NRG1: variants seen among roughly 807,000 people sequenced by gnomAD.
The protein encoded by NRG1 is neuregulin 1, also known as pro-neuregulin-1, membrane-bound isoform.
A neutral mutation model predicts 63.8 loss-of-function variants in NRG1; 18 were observed. The ratio of observed to expected loss-of-function variants is 0.28; its 90% confidence interval spans 0.19 to 0.42. NRG1 has a LOEUF of 0.42. NRG1 is among the 10% of genes least tolerant of loss of function. NRG1 has a pLI of 1.00. For missense variants in NRG1, 762 were observed against 814.7 expected, an observed-to-expected ratio of 0.94 and a Z score of 0.79; for synonymous variants, 302 against 301.3, an observed-to-expected ratio of 1.00 and a Z score of -0.02.
chr8:32,502,208 G>A (rs190738486), intron 1 of NRG1, among the ~76,000 whole-genome samples: 4 of 152,004 alleles, frequency 2.6e-5, no homozygotes, highest in Admixed American at 6.5e-5. Context: ...TGGAGTAGGC[G>A]TCTTACATGG....
chr8:32,083,695 T>G (rs16878772), intron 1 of NRG1, among the ~76,000 whole-genome samples: 13,717 of 114,732 alleles, frequency 0.12, 1,719 homozygotes, highest in African/African-American at 0.33. Context: ...AATTTTACAT[T>G]AGATAACAGG....
At chr8:32,715,462 G>A (rs1028551837) in intron 5 of NRG1, among the ~76,000 whole-genome samples, 1 of 152,018 alleles carries the variant, frequency 6.6e-6, no homozygotes, top group Non-Finnish European at 1.5e-5. Flanking sequence ...AGACAGAAAA[G>A]GTCTCCCACT....
chr8:32,018,233 A>G (rs573041381), intron 1 of NRG1, among the ~76,000 whole-genome samples: 90 of 152,278 alleles, frequency 5.9e-4, no homozygotes, highest in Non-Finnish European at 1.1e-3. Flanking sequence ...TCCTTCCTAT[A>G]CTTCTGTCTA....
chr8:31,902,676 A>C (rs1832183363), intron 1 of NRG1, among the ~76,000 whole-genome samples: 1 of 152,200 alleles, frequency 6.6e-6, no homozygotes, highest in Admixed American at 6.5e-5. Context: ...CAAGTGGCAT[A>C]ATTATTTGTG....
intron 1 of NRG1, among the ~76,000 whole-genome samples, chr8:32,302,021 ACC>A (rs2129475216): frequency 6.6e-6 from 1 of 152,292 alleles, no homozygotes; most frequent in South Asian, 2.1e-4. Flanking sequence ...GTCTGGTTTT[ACC>A]CATTGTCTGA....
intron 5 of NRG1, among the ~76,000 whole-genome samples, chr8:32,727,205 G>A (rs968044967): frequency 6.6e-6 from 1 of 152,134 alleles, no homozygotes; most frequent in Non-Finnish European, 1.5e-5. Context: ...TGAAGGTGTT[G>A]CAAACCAAAC....
chr8:32,495,617 C>T (rs780589709), intron 1 of NRG1, among the ~76,000 whole-genome samples: 1 of 152,088 alleles, frequency 6.6e-6, no homozygotes, highest in Non-Finnish European at 1.5e-5. Flanking sequence ...CGCTCGCCAC[C>T]ACGCCCAGCT....
chr8:32,363,542 C>T (rs1424249445), intron 1 of NRG1, among the ~76,000 whole-genome samples: 5 of 152,064 alleles, frequency 3.3e-5, no homozygotes, highest in Non-Finnish European at 2.9e-5. Context: ...AACTCACCCT[C>T]AGTGTTAACT....
At chr8:32,503,559 GCCTTAAA>G (rs1408830283) in intron 1 of NRG1, among the ~76,000 whole-genome samples, 1 of 152,076 alleles carries the variant, frequency 6.6e-6, no homozygotes, top group East Asian at 1.9e-4. Context: ...AAGTTTAATA[GCCTTAAA>G]CCTCAGTAGT....
At chr8:31,827,592 A>G (rs554213703) in intron 1 of NRG1, among the ~76,000 whole-genome samples, 1 of 152,364 alleles carries the variant, frequency 6.6e-6, no homozygotes, top group South Asian at 2.1e-4. Context: ...ATAAATATCA[A>G]GAATCTATTT....
intron 3 of NRG1, among the ~76,000 whole-genome samples, chr8:32,609,553 T>TC (rs1393422452): frequency 3.9e-4 from 2 of 5,148 alleles, no homozygotes; most frequent in African/African-American, 7.1e-4. Flanking sequence ...CTTCCCTCCC[T>TC]CCTTCCTTCC....
intron 1 of NRG1, among the ~76,000 whole-genome samples, chr8:32,046,666 G>T (rs780266556): frequency 1.3e-5 from 2 of 151,988 alleles, no homozygotes; most frequent in East Asian, 3.9e-4. Context: ...GCATTATACA[G>T]AATGAAAGAA....
chr8:32,305,193 A>G (rs1425562278), intron 1 of NRG1, among the ~76,000 whole-genome samples: 2 of 152,176 alleles, frequency 1.3e-5, no homozygotes, highest in Non-Finnish European at 2.9e-5. Context: ...CTTTTCTTAG[A>G]AAAATACTAG....
At chr8:31,808,585 TA>T (rs1212694732) in intron 1 of NRG1, among the ~76,000 whole-genome samples, 1 of 152,098 alleles carries the variant, frequency 6.6e-6, no homozygotes, top group Non-Finnish European at 1.5e-5. Context: ...CCATCTTTTT[TA>T]AACTAATGAA....
upstream of NRG1, among the ~76,000 whole-genome samples, chr8:32,544,679 CTTTTTTTTTTT>C (rs755780220): frequency 5.0e-5 from 4 of 80,434 alleles, no homozygotes; most frequent in African/African-American, 1.4e-4. Flanking sequence ...ATTTTTGTAT[CTTTTTTTTTTT>C]TTTTTTTTTT....
chr8:32,772,894 G>C (rs1032277891), downstream of NRG1, among the ~76,000 whole-genome samples: 1 of 152,070 alleles, frequency 6.6e-6, no homozygotes, highest in South Asian at 2.1e-4. Context: ...TTCCAACAAC[G>C]AGATGATTCT....
At chr8:32,052,804 C>A (rs117718453) in intron 1 of NRG1, among the ~76,000 whole-genome samples, 55 of 152,262 alleles carry the variant, frequency 3.6e-4, no homozygotes, top group Non-Finnish European at 6.3e-4. Flanking sequence ...TAGTTATGTT[C>A]TCTCATAGTT....
chr8:32,078,404 C>G (rs948189448), intron 1 of NRG1, among the ~76,000 whole-genome samples: 1 of 152,192 alleles, frequency 6.6e-6, no homozygotes, highest in African/African-American at 2.4e-5. Flanking sequence ...TTGTGTATAG[C>G]CTTTAGAACC....
intron 1 of NRG1, among the ~76,000 whole-genome samples, chr8:31,906,484 G>A (rs916764848): frequency 6.6e-6 from 1 of 152,136 alleles, no homozygotes; most frequent in Non-Finnish European, 1.5e-5. Context: ...TAGAGTTCCC[G>A]ATTTTGCAGC....
Sources: gnomAD v4.1 joint callset for allele counts (sites outside exome capture counted in the v4.1 genomes callset) on GRCh38, gnomAD v4.1.1 for gene constraint, MANE v1.5 for transcripts, NCBI Gene and HGNC (gene_info 2026-07-23, HGNC 2026-07-21) for gene names.